Variants in ENPP3 observed in about 807,000 individuals in gnomAD.
The protein encoded by ENPP3 is ectonucleotide pyrophosphatase/phosphodiesterase family member 3.
A neutral mutation model predicts 117.8 loss-of-function variants in ENPP3; 104 were observed. That is an observed-to-expected ratio of 0.88 (90% CI 0.75 to 1.04). The LOEUF (loss-of-function observed/expected upper bound fraction) is 1.04, where lower values mean the gene tolerates loss of function less well. Ranked by LOEUF, ENPP3 falls within the 50% of genes least tolerant of loss-of-function variation. The pLI is 0.00. For missense variants in ENPP3, 1,026 were observed against 1,051.9 expected (o/e 0.98, Z 0.34); for synonymous variants, 380 against 349.9 (o/e 1.09, Z -0.96).
In ENPP3 at chr6:131,696,926, C is replaced by T. The variant is rs1779420927; in HGVS notation, c.1412+3302C>T. ...CTGGGACTACAGGCACCCACCACCA[C>T]ACCCAGCTAATTTTTTGTATTTCTA... is the stretch of plus-strand genomic sequence containing the variant. On this transcript the variant is annotated intron_variant, in intron 15 of 24. Coordinates refer to ENST00000357639, the MANE Select transcript of ENPP3 (RefSeq NM_005021.5). 2.6e-5 allele frequency among the ~76,000 whole-genome samples: 4 copies of T among 152,138 alleles called. No individual in the cohort carries two copies. The South Asian group carries it at 8.3e-4, about 32-fold the overall frequency.
chr6:131,721,312 G>A (rs2114529131), intron 17 of ENPP3, among the ~76,000 whole-genome samples: 1 of 152,254 alleles, frequency 6.6e-6, no homozygotes, highest in East Asian at 1.9e-4. Context: ...ACTGGTTTGT[G>A]GTAATTGAAT....
intron 23 of ENPP3, among the ~76,000 whole-genome samples, chr6:131,739,667 G>A (rs962738574): frequency 1.6e-5 from 2 of 126,914 alleles, no homozygotes; most frequent in South Asian, 4.8e-4. Flanking sequence ...GACTTCTACT[G>A]TAATCTCTAT....
intron 15 of ENPP3, among the ~76,000 whole-genome samples, chr6:131,714,000 C>T (rs1779841010): frequency 6.8e-6 from 1 of 147,598 alleles, no homozygotes; most frequent in Admixed American, 6.8e-5. Flanking sequence ...TTAGCCTAGC[C>T]CACCTGAACC....
intron 24 of ENPP3, among the ~76,000 whole-genome samples, chr6:131,741,530 G>A (rs1585742825): frequency 6.6e-6 from 1 of 152,194 alleles, no homozygotes; most frequent in African/African-American, 2.4e-5. Context: ...AAGTAGGGCT[G>A]TGCCCTGAAA....
In ENPP3 at chr6:131,722,093, G is replaced by C. The variant is rs1215892056; in HGVS notation, c.1568-134G>C. ...AAGTCAGTAAACTGAATGGCATATA[G>C]AGTACATAGCTTCGTTACAGCAGAA... On this transcript the variant is annotated intron_variant, in intron 17 of 24. Transcript: ENST00000357639. The C allele has an allele frequency of 6.3e-6, 4 of 631,236 alleles. No individual in the cohort carries two copies. In the African/African-American group the frequency reaches 7.4e-5, roughly 12 times the overall value. 39.1% of individuals were successfully genotyped at this position (631,236 alleles called of 1,614,324 possible). A position where few individuals can be genotyped will look rare whatever the true frequency, so the allele number is the denominator to read the frequency against.
intron 22 of ENPP3, 78 bp downstream of exon 22, chr6:131,737,510 TA>T: frequency 2.4e-6 from 2 of 819,530 alleles, no homozygotes; most frequent in South Asian, 3.2e-5. Flanking sequence ...CATATTTTTT[TA>T]ATTGCAATTT....
chr6:131,713,848 G>A (rs1779838024), intron 15 of ENPP3, among the ~76,000 whole-genome samples: 1 of 151,594 alleles, frequency 6.6e-6, no homozygotes, highest in Non-Finnish European at 1.5e-5. Context: ...TGTAGTCATA[G>A]TACACTATAT....
intron 6 of ENPP3, among the ~76,000 whole-genome samples, chr6:131,669,655 CAAAAA>C (rs67597128): frequency 1.6e-5 from 1 of 61,740 alleles, no homozygotes; most frequent in Admixed American, 2.3e-4. Context: ...GACTCCATCT[CAAAAA>C]AAAAAAAAAA....
At chr6:131,708,849 TG>T (rs777759378) in intron 15 of ENPP3, 1 of 1,607,704 alleles carries the variant, frequency 6.2e-7, no homozygotes, top group African/African-American at 1.4e-5. Context: ...CTGGAGGAGG[TG>T]GGGGGAAAGG....
rs746808760 is a variant in ENPP3, at chr6:131,685,349, TA to T, written c.1121-14del. On this transcript the variant is annotated splice_polypyrimidine_tract_variant and intron_variant, in intron 12 of 24. Coordinates refer to ENST00000357639, the MANE Select transcript of ENPP3 (RefSeq NM_005021.5). ...TATACATTCAGTGGGTTATTATGATTATTTTTTTATTCAGGAATGGACCAGA... is the reference window on the plus strand; with the variant it reads ...TATACATTCAGTGGGTTATTATGATTTTTTTTTATTCAGGAATGGACCAGA... 31 of 1,599,310 alleles carry T rather than the reference TA, an allele frequency of 1.9e-5. No individual in the cohort carries two copies. In the Middle Eastern group the frequency reaches 1.0e-3, roughly 51 times the overall value.
intron 6 of ENPP3, among the ~76,000 whole-genome samples, chr6:131,665,986 A>G (rs1336565976): frequency 6.6e-6 from 1 of 152,098 alleles, no homozygotes; most frequent in Non-Finnish European, 1.5e-5. Context: ...AGTGTGTTAC[A>G]TAATTTCTAC....
chr6:131,740,652 G>A (rs760205616), intron 24 of ENPP3, among the ~76,000 whole-genome samples: 30 of 151,990 alleles, frequency 2.0e-4, no homozygotes, highest in Non-Finnish European at 4.0e-4. Flanking sequence ...AATGAAAGAG[G>A]TGAAATCTTG....
intron 6 of ENPP3, among the ~76,000 whole-genome samples, chr6:131,667,132 C>CT (rs199624984): frequency 4.6e-5 from 7 of 151,260 alleles, no homozygotes; most frequent in South Asian, 2.1e-4. Flanking sequence ...GGTCGTGGGG[C>CT]TTTTTTTTTC....
Position 131,693,506 on chromosome 6 carries a change from C to T in ENPP3, c.1294C>T (p.Pro432Ser), listed in dbSNP as rs150007067. The T allele has an allele frequency of 1.1e-5, 17 of 1,611,566 alleles. No individual in the cohort carries two copies. The African/African-American group carries it at 1.5e-4, about 14-fold the overall frequency. ...TTTACTTGCTTTTCAGTGCCGAAAA[C>T]CTGATCAGCATTTCAAGCCCTATTT... ...EIVRNLSCRK[P>S]DQHFKPYLTP... is the part of the protein sequence containing the mutation. The change falls in exon 15 of 25, where the codon CCT (proline) becomes TCT (serine). Residue 432 changes from proline (P) to serine (S), a missense_variant. Physicochemically the swap from Pro to Ser is moderately conservative, Grantham distance 74 (BLOSUM62 -1). Transcript: ENST00000357639.
intron 7 of ENPP3, among the ~76,000 whole-genome samples, chr6:131,672,346 G>A (rs1778762697): frequency 6.6e-6 from 1 of 152,024 alleles, no homozygotes; most frequent in Non-Finnish European, 1.5e-5. Context: ...TTGTCCCCTT[G>A]CATAGTGCTG....
At chr6:131,714,198 C>T (rs972725478) in intron 15 of ENPP3, among the ~76,000 whole-genome samples, 13 of 150,758 alleles carry the variant, frequency 8.6e-5, no homozygotes, top group African/African-American at 3.2e-4. Flanking sequence ...CACCATTGTA[C>T]AGTTGAAAAT....
At position 131,680,785 on chromosome 6, in the gene ENPP3, A is replaced by G. The variant is rs564051499; in HGVS notation, c.1012-2269A>G. ...CAAAGCTACTCAATTGTTGCCCATT[A>G]TAGGAATTTCTTGTTTCTTTCCTTT... On this transcript the variant is annotated intron_variant, in intron 11 of 24. Transcript: ENST00000357639. Among the ~76,000 whole-genome samples the G allele has an allele frequency of 3.3e-5, 5 of 152,350 alleles. No homozygotes were observed. The South Asian group carries it at 1.0e-3, about 32-fold the overall frequency.
At position 131,637,402 on chromosome 6, in the gene ENPP3, T is replaced by C. The variant is rs757592082; in HGVS notation, c.18T>C (p.Thr6=). ...CCAGGACAATGGAATCTACGTTGAC[T>C]TTAGCAACGGAACAACCTGTTAAGA... MESTL[T]LATEQPVKKN... Residue 6 remains threonine, a synonymous_variant, in exon 1 of 25, where the codon ACT becomes ACC. Coordinates refer to ENST00000357639, the MANE Select transcript of ENPP3 (RefSeq NM_005021.5). 4 of 1,598,440 alleles carry C rather than the reference T, an allele frequency of 2.5e-6. No homozygotes were observed. The Admixed American group carries it at 6.9e-5, about 28-fold the overall frequency.
At chr6:131,697,923 T>A (rs1026520041) in intron 15 of ENPP3, among the ~76,000 whole-genome samples, 1 of 152,158 alleles carries the variant, frequency 6.6e-6, no homozygotes, top group African/African-American at 2.4e-5. Context: ...AGGGAGCCCA[T>A]GAAGCCATGG....
Sources: allele counts gnomAD v4.1 joint callset (sites outside exome capture counted in the v4.1 genomes callset), GRCh38; gene constraint gnomAD v4.1.1; transcripts MANE v1.5; gene names NCBI Gene and HGNC (gene_info 2026-07-23, HGNC 2026-07-21).